The following PYGM variants were observed in gnomAD, a reference collection of about 807,000 sequenced individuals.
PYGM encodes the protein glycogen phosphorylase, muscle associated, also known as glycogen phosphorylase, muscle form.
PYGM carries 81 observed loss-of-function variants against 99.3 expected under a neutral mutation model. That is an observed-to-expected ratio of 0.82 (90% CI 0.68 to 0.98). PYGM has a LOEUF of 0.98. Among genes scored for constraint, PYGM ranks in the 50% least tolerant of loss-of-function variants. PYGM has a pLI of 0.00. For synonymous variants in PYGM, 436 were observed against 451.5 expected (o/e 0.97, Z 0.44); for missense variants, 1,030 against 1,158.1 (o/e 0.89, Z 1.61).
intron 17 of PYGM, among the ~76,000 whole-genome samples, chr11:64,750,050 C>G (rs1179704007): frequency 6.6e-6 from 1 of 152,138 alleles, no homozygotes; most frequent in Non-Finnish European, 1.5e-5. Flanking sequence ...CCTTGGCCTC[C>G]CAAAGTGCTG....
Position 64,753,918 on chromosome 11 carries a change from G to A in PYGM, c.1200C>T (p.His400=). ...GGTTGATCTCGTAGATGATCTGGAG[G>A]TGCCGCGGCAGCAGCGTCTCCAAGA... ...VHLLETLLPR[H]LQIIYEINQR... Residue 400 remains histidine (H), a synonymous_variant, in exon 10 of 20, where the codon CAC becomes CAT. Coordinates refer to ENST00000164139, the MANE Select transcript of PYGM (RefSeq NM_005609.4). 6.3e-7 allele frequency: 1 copy of A among 1,591,522 alleles called. No individual in the cohort carries two copies. Among genetic ancestry groups the A allele is most frequent in the Non-Finnish European group, 8.6e-7 (1 of 1,168,594 alleles).
At chr11:64,747,501 G>T in intron 17 of PYGM, 143 bp from the exon 18 acceptor site, 2 of 1,030,528 alleles carry the variant, frequency 1.9e-6, no homozygotes, top group Non-Finnish European at 2.9e-6. Context: ...GCCCCTGCAG[G>T]GCCTCCCTGC....
In PYGM at chr11:64,759,755, G is replaced by C. The variant is rs1251248441; in HGVS notation, c.144C>G (p.Thr48=). The change falls in exon 1 of 20, where the codon ACC becomes ACG. Residue 48 remains threonine (T), a synonymous_variant. Transcript: ENST00000164139. ...CCAGAGCAAAGTAGTAGTCTCGTGG[G>C]GTGGCCACATTGCGGTCCTTTACGA... ...FTLVKDRNVA[T]PRDYYFALAH... is the part of the protein sequence containing the mutation. 6.2e-7 allele frequency: 1 copy of C among 1,614,116 alleles called. No homozygotes were observed. Among genetic ancestry groups the C allele is most frequent in the Non-Finnish European group, 8.5e-7 (1 of 1,180,052 alleles).
chr11:64,749,904 T>G (rs938500895), intron 17 of PYGM, among the ~76,000 whole-genome samples: 4 of 151,012 alleles, frequency 2.6e-5, no homozygotes, highest in Non-Finnish European at 4.4e-5. Context: ...ACCATTCTCC[T>G]GCCTCAGCCT....
intron 4 of PYGM, 106 bp from the exon 5 acceptor site, chr11:64,758,016 A>G: frequency 1.3e-6 from 2 of 1,524,682 alleles, no homozygotes; most frequent in Non-Finnish European, 1.8e-6. Context: ...CCCTACACCA[A>G]GTATAAGTCA....
At chr11:64,753,392 G>A (rs1296755901) in intron 11 of PYGM, 127 bp downstream of exon 11, 21 of 1,362,520 alleles carry the variant, frequency 1.5e-5, no homozygotes, top group Non-Finnish European at 1.8e-5. Context: ...TAAGAATGAC[G>A]CCACCTGTGA....
rs1471375354 is a variant in PYGM, at chr11:64,758,292, C to T, written c.482G>A (p.Arg161His). The change falls in exon 4 of 20, where the codon CGC (arginine) becomes CAC (histidine). Residue 161 changes from arginine to histidine, a missense_variant. Physicochemically the swap from Arg to His is conservative, Grantham distance 29. Transcript: ENST00000164139. Reference protein sequence around the residue: ...LGLAAYGYGIRYEFGIFNQKI... With the variant: ...LGLAAYGYGIHYEFGIFNQKI... The stretch of plus-strand genomic sequence containing the variant: ...CTGGTTAAAAATCCCAAACTCATAG[C>T]GAATCCCGTAGCCATAGGCGGCCAG... 6.2e-6 allele frequency: 10 copies of T among 1,614,004 alleles called. No homozygotes were observed. Among genetic ancestry groups the T allele is most frequent in the South Asian group, 2.2e-5 (2 of 91,084 alleles).
At chr11:64,756,971 T>A (rs148092372) in intron 5 of PYGM, among the ~76,000 whole-genome samples, 96 of 152,130 alleles carry the variant, frequency 6.3e-4, no homozygotes, top group Non-Finnish European at 1.0e-3. Flanking sequence ...GCTAATTTTT[T>A]AAATTTTTTT....
intron 16 of PYGM, 42 bp from the exon 17 acceptor site, chr11:64,750,625 C>A (rs2058349802): frequency 1.3e-6 from 2 of 1,590,494 alleles, no homozygotes; most frequent in Admixed American, 1.7e-5. Flanking sequence ...TCAGGGAAGA[C>A]CCTCACACCA....
upstream of PYGM, chr11:64,760,085 A>G (rs1237420387): frequency 2.4e-5 from 22 of 934,310 alleles, no homozygotes; most frequent in South Asian, 2.1e-4. Flanking sequence ...TTTTGAGGGC[A>G]AGGGGAGGAG....
At chr11:64,752,202 C>G (rs867654559) in intron 13 of PYGM, 131 bp from the exon 14 acceptor site, 1 of 1,389,584 alleles carries the variant, frequency 7.2e-7, no homozygotes, top group Non-Finnish European at 1.0e-6. Context: ...ACTCCTGTAC[C>G]AGGGCAGACA....
rs1025560272 is a variant in PYGM at position 64,758,535 on chromosome 11, A to C, written c.346-20T>G. On this transcript the variant is annotated intron_variant, in intron 2 of 19. Coordinates refer to ENST00000164139, the MANE Select transcript of PYGM (RefSeq NM_005609.4). ...GCCCAGCTGGAGGAGTGAGGGTGAC[A>C]GTGGTCAGGGTCAAGTGTCAGCAGT... 1.9e-6 allele frequency: 3 copies of C among 1,613,930 alleles called. No homozygotes were observed. In the African/African-American group the frequency reaches 4.0e-5, roughly 22 times the overall value.
chr11:64,751,976 G>A lies in PYGM; in HGVS notation c.1716C>T (p.His572=), dbSNP rs754944948. The change falls in exon 14 of 20, where the codon CAC becomes CAT. Residue 572 remains histidine (H), a synonymous_variant. Coordinates refer to ENST00000164139, the MANE Select transcript of PYGM (RefSeq NM_005609.4). The part of the protein sequence containing the change: ...SLFDIQVKRI[H]EYKRQLLNCL... ...AGTTGAGGAGCTGTCGTTTATATTC[G>A]TGAATCCGCTTCACCTGGATGTCGA... 1.2e-5 allele frequency: 19 copies of A among 1,614,068 alleles called. No homozygotes were observed. The highest frequency in any genetic ancestry group is 5.3e-5 in the African/African-American group (4 of 74,910).
At position 64,754,983 on chromosome 11, in the gene PYGM, C is replaced by T. The variant is rs1438842047; in HGVS notation, c.856-147G>A. 62 of 1,153,834 alleles carry T rather than the reference C, an allele frequency of 5.4e-5. No homozygotes were observed. Among genetic ancestry groups the T allele is most frequent in the Non-Finnish European group, 7.2e-5 (59 of 823,254 alleles). The allele number at this position is 1,153,834 out of a possible 1,614,324, so 71.5% of individuals were successfully genotyped here. ...CTCTGGGACCCAGGGGCCTTTCCTCCACCAAGAACTAGTGGCGAGAGACAG... is the reference window on the plus strand; with the variant it reads ...CTCTGGGACCCAGGGGCCTTTCCTCTACCAAGAACTAGTGGCGAGAGACAG... On this transcript the variant is annotated intron_variant, in intron 7 of 19. Transcript: ENST00000164139. The surrounding 1 kb of genome is among the most constrained non-coding windows in gnomAD (Gnocchi z 5.5).
At position 64,751,635 on chromosome 11, in the gene PYGM, T is replaced by C. The variant is rs1385029336; in HGVS notation, c.1789A>G (p.Lys597Glu). Residue 597 changes from lysine (K) to glutamate (E), a missense_variant, in exon 15 of 20, where the codon AAG becomes GAG. Lys to Glu is a moderately conservative substitution (Grantham distance 56, BLOSUM62 1). Transcript: ENST00000164139. ...LYNRIKREPN[K>E]FFVPRTVMIG... The stretch of plus-strand genomic sequence containing the variant: ...ATCACAGTCCGAGGCACAAAAAACT[T>C]ATTGGGCTCCCTCTTGATGCCTGTG... The C allele has an allele frequency of 6.2e-7, 1 of 1,613,922 alleles. No individual in the cohort carries two copies. Among genetic ancestry groups the C allele is most frequent in the South Asian group, 1.1e-5 (1 of 91,084 alleles).
intron 12 of PYGM, among the ~76,000 whole-genome samples, chr11:64,752,731 G>C (rs968785507): frequency 6.6e-6 from 1 of 152,176 alleles, no homozygotes; most frequent in Non-Finnish European, 1.5e-5. Flanking sequence ...ACCCCAGCAG[G>C]CCTTCCTGGC....
chr11:64,750,148 T>C (rs2058344104), intron 17 of PYGM, among the ~76,000 whole-genome samples: 1 of 152,220 alleles, frequency 6.6e-6, no homozygotes, highest in Non-Finnish European at 1.5e-5. Context: ...TTAGGGTTGA[T>C]ATAATATTCT....
intron 12 of PYGM, among the ~76,000 whole-genome samples, chr11:64,752,715 C>T (rs975557534): frequency 1.3e-5 from 2 of 152,226 alleles, no homozygotes; most frequent in Admixed American, 6.5e-5. Flanking sequence ...TGGCTGACCC[C>T]ACCTGACCCC....
intron 1 of PYGM, among the ~76,000 whole-genome samples, chr11:64,759,393 G>A (rs375123269): frequency 5.1e-4 from 78 of 152,248 alleles, no homozygotes; most frequent in African/African-American, 1.7e-3. Flanking sequence ...CACAGGCGCC[G>A]TCCTGCCCAC....
Sources: allele counts gnomAD v4.1 joint callset (sites outside exome capture counted in the v4.1 genomes callset), GRCh38; gene constraint gnomAD v4.1.1; non-coding constraint Gnocchi (gnomAD v3.1); transcripts MANE v1.5; gene names NCBI Gene and HGNC (gene_info 2026-07-23, HGNC 2026-07-21).